Variants in MYRFL observed in about 807,000 individuals in gnomAD.
MYRFL encodes the protein myelin regulatory factor-like protein.
Under a neutral mutation model 109.4 loss-of-function variants are expected in MYRFL, and 88 were observed. The observed-to-expected ratio is 0.80, with a 90% CI of 0.68 to 0.96. The LOEUF is 0.96. MYRFL is among the 40% of genes least tolerant of loss of function. The pLI, the probability that MYRFL is intolerant of heterozygous loss-of-function variation, is 0.00. For synonymous variants in MYRFL, 324 were observed against 320.9 expected (o/e 1.01, Z -0.10); for missense variants, 957 against 954.9 (o/e 1.00, Z -0.03).
chr12:69,876,177 G>T (rs1213346867), intron 2 of MYRFL, among the ~76,000 whole-genome samples: 1 of 152,094 alleles, frequency 6.6e-6, no homozygotes, highest in African/African-American at 2.4e-5. Flanking sequence ...TTTGTTTTCT[G>T]GTTATTCAGG....
chr12:69,903,363 C>T (rs1592792808), intron 10 of MYRFL, among the ~76,000 whole-genome samples: 1 of 152,154 alleles, frequency 6.6e-6, no homozygotes, highest in Non-Finnish European at 1.5e-5. Context: ...CCTAGTATAA[C>T]TGATCACATT....
intron 8 of MYRFL, 38 bp from the exon 9 acceptor site, chr12:69,895,333 A>G (rs756367044): frequency 3.5e-6 from 5 of 1,418,084 alleles, no homozygotes; most frequent in Non-Finnish European, 4.8e-6. Context: ...GTGTTCTCTT[A>G]TAGTCTCTTG....
chr12:69,874,885 T>C (rs1299932301), intron 2 of MYRFL, among the ~76,000 whole-genome samples: 2 of 152,008 alleles, frequency 1.3e-5, no homozygotes, highest in African/African-American at 4.8e-5. Flanking sequence ...CTCTTTATTT[T>C]TGGCTTACAG....
At position 69,926,603 on chromosome 12, in the gene MYRFL, G is replaced by T. The variant is rs1955092046; in HGVS notation, c.1635G>T (p.Val545=). Residue 545 remains valine (V), a synonymous_variant, in exon 14 of 25, where the codon GTG becomes GTT. Coordinates refer to ENST00000552032, the MANE Select transcript of MYRFL (RefSeq NM_182530.3). ...DQIFMENVGA[V]KQLCKLTNNL... Reference sequence around the variant, plus strand: ...TCTTTATGGAAAATGTAGGTGCAGTGAAGCAACTGTGCAAACTAACTAACA... The same window carrying T: ...TCTTTATGGAAAATGTAGGTGCAGTTAAGCAACTGTGCAAACTAACTAACA... The T allele has an allele frequency of 6.6e-7, 1 of 1,521,504 alleles. No homozygotes were observed. Among genetic ancestry groups the T allele is most frequent in the African/African-American group, 1.4e-5 (1 of 72,468 alleles). 94.3% of individuals were successfully genotyped at this position (1,521,504 alleles called of 1,614,324 possible).
intron 2 of MYRFL, among the ~76,000 whole-genome samples, chr12:69,874,040 C>T (rs1885512499): frequency 6.6e-6 from 1 of 152,164 alleles, no homozygotes; most frequent in South Asian, 2.1e-4. Flanking sequence ...GTAGAACCAT[C>T]AACAATGTAG....
In MYRFL at chr12:69,936,164, ACGT is replaced by A; in HGVS notation, c.1969_1971del (p.Arg657del). ...TACTTAGCTTAAAAGATCAAGACCG[ACGT>A]GTCCCAAATCTCCCTCCAAGGTGAG... On this transcript the variant is annotated inframe_deletion, in exon 17 of 25. Coordinates refer to ENST00000552032, the MANE Select transcript of MYRFL (RefSeq NM_182530.3). 2 of 1,506,216 alleles carry A rather than the reference ACGT, an allele frequency of 1.3e-6. No individual in the cohort carries two copies. Among genetic ancestry groups the A allele is most frequent in the East Asian group, 5.1e-5 (2 of 39,340 alleles). 93.3% of individuals were successfully genotyped at this position (1,506,216 alleles called of 1,614,324 possible). A position where few individuals can be genotyped will look rare whatever the true frequency, so the allele number is the denominator to read the frequency against.
intron 5 of MYRFL, among the ~76,000 whole-genome samples, chr12:69,881,886 T>C (rs956677121): frequency 6.6e-6 from 1 of 152,210 alleles, no homozygotes; most frequent in South Asian, 2.1e-4. Flanking sequence ...CCTGTAGCTT[T>C]TTTTATGATT....
chr12:69,927,759 A>G lies in MYRFL; in HGVS notation c.1830+11A>G. 2 of 1,520,076 alleles carry G rather than the reference A, an allele frequency of 1.3e-6. No homozygotes were observed. Among genetic ancestry groups the G allele is most frequent in the Non-Finnish European group, 1.8e-6 (2 of 1,138,990 alleles). 94.2% of individuals were successfully genotyped at this position (1,520,076 alleles called of 1,614,324 possible). On this transcript the variant is annotated intron_variant, in intron 15 of 24. Transcript: ENST00000552032. The stretch of plus-strand genomic sequence containing the variant: ...AAAAAAAACAACAAGGTAAATAGAC[A>G]CATTTACAATGAAAGGAAATGATGT...
rs113194756 is a variant in MYRFL at position 69,854,663 on chromosome 12, C to T, written c.47-617C>T. ...GGCCTCCCAAAGTGCTGGGATTACA[C>T]ACGTGAGCCACTATGCCAGGCCAGC... On this transcript the variant is annotated intron_variant, in intron 1 of 24. Transcript: ENST00000552032. Among the ~76,000 whole-genome samples the T allele has an allele frequency of 9.0e-3, 1,372 of 152,238 alleles. 22 individuals are homozygous for T. The highest frequency in any genetic ancestry group is 0.031 in the African/African-American group (1,290 of 41,542).
At chr12:69,956,272 T>C (rs1956093860) in intron 22 of MYRFL, among the ~76,000 whole-genome samples, 1 of 151,746 alleles carries the variant, frequency 6.6e-6, no homozygotes. Context: ...CTCTCAGCCA[T>C]CACTGTCTTG....
intron 2 of MYRFL, among the ~76,000 whole-genome samples, chr12:69,874,102 A>G (rs1885514995): frequency 6.6e-6 from 1 of 152,262 alleles, no homozygotes; most frequent in African/African-American, 2.4e-5. Flanking sequence ...CCTAAGTATT[A>G]TACCTATGTG....
At chr12:69,922,640 T>C (rs138457732) in intron 13 of MYRFL, among the ~76,000 whole-genome samples, 171 of 152,288 alleles carry the variant, frequency 1.1e-3, no homozygotes, top group African/African-American at 4.0e-3. Context: ...TGTTTTATTA[T>C]ATATTGTCAA....
Position 69,927,744 on chromosome 12 carries a change from A to G in MYRFL, c.1826A>G (p.Asn609Ser). The change falls in exon 15 of 25, where the codon AAC (asparagine) becomes AGC (serine). Residue 609 changes from asparagine (N) to serine (S), a missense_variant. Coordinates refer to ENST00000552032, the MANE Select transcript of MYRFL (RefSeq NM_182530.3). ...AGAAGGGCCGTTCATAAAAAAAACA[A>G]CAAGGTAAATAGACACATTTACAAT... ...SPRRAVHKKN[N>S]KVYFSGKRQA... 1 of 1,533,394 alleles carries G rather than the reference A, an allele frequency of 6.5e-7. No homozygotes were observed. Among genetic ancestry groups the G allele is most frequent in the South Asian group, 1.2e-5 (1 of 83,580 alleles). The allele number at this position is 1,533,394 out of a possible 1,614,324, so 95.0% of individuals were successfully genotyped here. A position where few individuals can be genotyped will look rare whatever the true frequency, so the allele number is the denominator to read the frequency against.
chr12:69,855,194 C>A (rs750266126), intron 1 of MYRFL, 86 bp from the exon 2 acceptor site: 2 of 639,418 alleles, frequency 3.1e-6, no homozygotes, highest in Non-Finnish European at 2.8e-6. Flanking sequence ...GACACAGTCC[C>A]TGACCTTAAA....
rs146556752 is a variant in MYRFL, at chr12:69,907,823, G to A, written c.1384-2146G>A. On this transcript the variant is annotated intron_variant, in intron 11 of 24. Coordinates refer to ENST00000552032, the MANE Select transcript of MYRFL (RefSeq NM_182530.3). ...GAGAAACACTCATTGAATCTCCAGT[G>A]CTTAGGAGATCATCTGGCACATAGT... Among the ~76,000 whole-genome samples the A allele has an allele frequency of 2.0e-3, 304 of 152,284 alleles. 1 individual carries two copies. Among genetic ancestry groups the A allele is most frequent in the African/African-American group, 6.4e-3 (264 of 41,542 alleles).
intron 2 of MYRFL, among the ~76,000 whole-genome samples, chr12:69,861,470 G>T (rs1190851738): frequency 6.6e-6 from 1 of 152,202 alleles, no homozygotes; most frequent in African/African-American, 2.4e-5. Flanking sequence ...TCTCATTGTG[G>T]TTTTGATTTG....
chr12:69,859,839 A>G (rs1328891051), intron 2 of MYRFL, among the ~76,000 whole-genome samples: 4 of 152,334 alleles, frequency 2.6e-5, no homozygotes, highest in South Asian at 4.1e-4. Flanking sequence ...AAACTAGTTC[A>G]TCCATTGTGG....
intron 21 of MYRFL, among the ~76,000 whole-genome samples, chr12:69,954,376 T>G (rs1463492035): frequency 6.6e-6 from 1 of 152,228 alleles, no homozygotes; most frequent in Non-Finnish European, 1.5e-5. Context: ...CTGATCCCAA[T>G]GCAGATCTTT....
At chr12:69,880,059 T>C in intron 4 of MYRFL, 142 bp from the exon 5 acceptor site, 1 of 562,844 alleles carries the variant, frequency 1.8e-6, no homozygotes, top group Non-Finnish European at 3.2e-6. Flanking sequence ...GGGAAATAGT[T>C]TCAGCCTAGT....
Sources: gnomAD v4.1 joint callset for allele counts (sites outside exome capture counted in the v4.1 genomes callset) on GRCh38, gnomAD v4.1.1 for gene constraint, MANE v1.5 for transcripts, NCBI Gene and HGNC (gene_info 2026-07-23, HGNC 2026-07-21) for gene names.